The following TAF2 variants were observed in gnomAD, a reference collection of about 807,000 sequenced individuals.
The protein encoded by TAF2 is TATA-box binding protein associated factor 2, also known as transcription initiation factor TFIID subunit 2.
TAF2 carries 61 observed loss-of-function variants against 138.5 expected under a neutral mutation model. That is an observed-to-expected ratio of 0.44 (90% CI 0.36 to 0.54). The LOEUF is 0.54. Among genes scored for constraint, TAF2 ranks in the 20% least tolerant of loss-of-function variants. The pLI is 0.00. For missense variants in TAF2, 1,090 were observed against 1,427.9 expected, an observed-to-expected ratio of 0.76 and a Z score of 3.81; for synonymous variants, 475 against 469.9, an observed-to-expected ratio of 1.01 and a Z score of -0.14.
intron 21 of TAF2, among the ~76,000 whole-genome samples, chr8:119,757,045 G>A (rs1586335958): frequency 6.6e-6 from 1 of 152,148 alleles, no homozygotes; most frequent in East Asian, 1.9e-4. Context: ...AAGGTGAACT[G>A]GGGAAATTTT....
chr8:119,760,587 C>T lies in TAF2; in HGVS notation c.2698+12G>A, dbSNP rs765108446. 8.1e-6 allele frequency: 13 copies of T among 1,611,624 alleles called. No homozygotes were observed. In the African/African-American group the frequency reaches 1.1e-4, roughly 13 times the overall value. On this transcript the variant is annotated intron_variant, in intron 20 of 25. Coordinates refer to ENST00000378164, the MANE Select transcript of TAF2 (RefSeq NM_003184.4). ...TCTAAAATGATATGAGCACGTATTT[C>T]TAAAGTATTACCTTTAGTATAATCA...
chr8:119,793,499 T>C (rs1823591429), intron 9 of TAF2, 48 bp from the exon 10 acceptor site: 1 of 1,319,026 alleles, frequency 7.6e-7, no homozygotes, highest in Non-Finnish European at 1.1e-6. Flanking sequence ...TAAAGTAACA[T>C]TTTTTTACAT....
chr8:119,766,235 C>T (rs1821409559), intron 18 of TAF2, among the ~76,000 whole-genome samples: 1 of 152,112 alleles, frequency 6.6e-6, no homozygotes, highest in African/African-American at 2.4e-5. Flanking sequence ...CACAATTCTG[C>T]CCGTCAGACT....
In TAF2 at chr8:119,764,175, T is replaced by C. The variant is rs557207361; in HGVS notation, c.2365-1567A>G. 2.2e-4 allele frequency among the ~76,000 whole-genome samples: 33 copies of C among 152,118 alleles called. 1 individual carries two copies. Among genetic ancestry groups the C allele is most frequent in the Admixed American group, 1.7e-3 (26 of 15,282 alleles). On this transcript the variant is annotated intron_variant, in intron 18 of 25. Transcript: ENST00000378164. ...AAAATAAAATAAAATAAAATAAAAA[T>C]ACATAAATATAGTATTTATTTCAGC...
At chr8:119,781,571 T>C (rs529405749) in intron 16 of TAF2, among the ~76,000 whole-genome samples, 394 of 152,152 alleles carry the variant, frequency 2.6e-3, no homozygotes, top group Middle Eastern at 6.8e-3. Flanking sequence ...TCCCAGCTAC[T>C]TGGGAGGCTG....
intron 3 of TAF2, among the ~76,000 whole-genome samples, chr8:119,815,036 TACAAGGCATGATCTCGAACTCATGATC>T (rs1409779274): frequency 2.6e-5 from 4 of 151,568 alleles, no homozygotes; most frequent in African/African-American, 9.7e-5. Context: ...AACTCATGAT[TACAAGGCATGATCTCGAACTCATGATC>T]ACAAGGTCAT....
chr8:119,811,175 G>C (rs1261989001), intron 3 of TAF2, among the ~76,000 whole-genome samples: 1 of 152,042 alleles, frequency 6.6e-6, no homozygotes, highest in African/African-American at 2.4e-5. Context: ...ATGCTATAGA[G>C]AGATATTGAA....
At chr8:119,826,241 C>A (rs1188242270) in intron 2 of TAF2, among the ~76,000 whole-genome samples, 2 of 151,332 alleles carry the variant, frequency 1.3e-5, no homozygotes, top group African/African-American at 2.4e-5. Context: ...GCACATGTAA[C>A]CCAGAACTTA....
chr8:119,789,283 G>C (rs1011874359), intron 12 of TAF2, among the ~76,000 whole-genome samples: 1 of 152,108 alleles, frequency 6.6e-6, no homozygotes, highest in African/African-American at 2.4e-5. Context: ...CTACAGGTCT[G>C]TCTGGTAGAT....
intron 24 of TAF2, 137 bp downstream of exon 24, chr8:119,744,151 C>T: frequency 5.8e-6 from 5 of 865,708 alleles, no homozygotes; most frequent in Non-Finnish European, 7.4e-6. Context: ...ATGTTATAAT[C>T]TGCTACAATT....
At chr8:119,774,170 C>CA (rs551653966) in intron 18 of TAF2, among the ~76,000 whole-genome samples, 5,874 of 136,810 alleles carry the variant, frequency 0.043, 184 homozygotes, top group South Asian at 0.11. Flanking sequence ...GACTCCATCT[C>CA]AAAAAAAAAA....
chr8:119,787,891 T>C (rs184515386), intron 14 of TAF2, among the ~76,000 whole-genome samples: 3 of 152,278 alleles, frequency 2.0e-5, no homozygotes, highest in Admixed American at 6.5e-5. Flanking sequence ...ATATACACCA[T>C]AGAACACTAT....
rs1253371615 is a variant in TAF2 at position 119,789,648 on chromosome 8, C to G, written c.1512G>C (p.Leu504Phe). ...SQMLVSTSGF[L>F]KSISNVSGKD... ...TGCCAGAGACATTTGAAATGGATTTCAAAAACCCAGATGTGGAAACCAACA... is the reference window on the plus strand; with the variant it reads ...TGCCAGAGACATTTGAAATGGATTTGAAAAACCCAGATGTGGAAACCAACA... The change falls in exon 12 of 26, where the codon TTG becomes TTC. Residue 504 changes from leucine to phenylalanine, a missense_variant. Transcript: ENST00000378164. The G allele has an allele frequency of 6.2e-7, 1 of 1,613,694 alleles. No individual in the cohort carries two copies. Among genetic ancestry groups the G allele is most frequent in the Admixed American group, 1.7e-5 (1 of 59,984 alleles).
At chr8:119,793,117 T>A (rs1034642344) in intron 10 of TAF2, among the ~76,000 whole-genome samples, 4 of 151,954 alleles carry the variant, frequency 2.6e-5, no homozygotes, top group East Asian at 1.9e-4. Context: ...TAAAAAAAAA[T>A]TTTTAATGTG....
At chr8:119,776,819 T>G (rs1004977643) in intron 18 of TAF2, among the ~76,000 whole-genome samples, 1 of 152,230 alleles carries the variant, frequency 6.6e-6, no homozygotes, top group Non-Finnish European at 1.5e-5. Flanking sequence ...CTCATCTTTA[T>G]GACTCAGTTT....
rs1433131770 is a variant in TAF2, at chr8:119,778,040, G to A, written c.2343C>T (p.Tyr781=). ...VLTFILDLIK[Y]NDNRKNKFSD... is the part of the protein sequence containing the mutation. ...TCACCTTATTTTTCCTGTTGTCATT[G>A]TACTTGATTAAGTCTAAAATAAATG... The change falls in exon 18 of 26, where the codon TAC becomes TAT. Residue 781 remains tyrosine, a synonymous_variant. Transcript: ENST00000378164. 5 of 1,544,476 alleles carry A rather than the reference G, an allele frequency of 3.2e-6. No homozygotes were observed. The highest frequency in any genetic ancestry group is 4.5e-6 in the Non-Finnish European group (5 of 1,121,786).
chr8:119,737,422 T>G (rs1303629318), intron 25 of TAF2, among the ~76,000 whole-genome samples: 1 of 152,038 alleles, frequency 6.6e-6, no homozygotes, highest in African/African-American at 2.4e-5. Flanking sequence ...CAATTATTAT[T>G]GAAGCTGAGT....
At chr8:119,829,867 T>G (rs1826332143) in intron 2 of TAF2, among the ~76,000 whole-genome samples, 2 of 150,898 alleles carry the variant, frequency 1.3e-5, no homozygotes, top group Non-Finnish European at 3.0e-5. Context: ...TTAGTTTTTT[T>G]TTTTTTTTTT....
intron 4 of TAF2, among the ~76,000 whole-genome samples, chr8:119,805,607 C>T (rs747568505): frequency 3.3e-5 from 5 of 151,702 alleles, no homozygotes; most frequent in South Asian, 2.1e-4. Flanking sequence ...TCGGTGGCTG[C>T]GGCAGAAGAA....
Sources: allele counts gnomAD v4.1 joint callset (sites outside exome capture counted in the v4.1 genomes callset), GRCh38; gene constraint gnomAD v4.1.1; transcripts MANE v1.5; gene names NCBI Gene and HGNC (gene_info 2026-07-23, HGNC 2026-07-21).